The following KCTD16 variants were observed in gnomAD, a reference collection of about 807,000 sequenced individuals.
KCTD16 encodes BTB/POZ domain-containing protein KCTD16.
A neutral mutation model predicts 33.2 loss-of-function variants in KCTD16; 13 were observed. The ratio of observed to expected loss-of-function variants is 0.39; its 90% CI spans 0.25 to 0.62. The LOEUF is 0.62. Among genes scored for constraint, KCTD16 ranks in the 20% least tolerant of loss-of-function variants. The pLI is 0.50. For missense variants in KCTD16, 441 were observed against 525.1 expected, an observed-to-expected ratio of 0.84 and a Z score of 1.57; for synonymous variants, 197 against 195.3, an observed-to-expected ratio of 1.01 and a Z score of -0.07.
chr5:144,362,529 C>T (rs1751736952), intron 3 of KCTD16, among the ~76,000 whole-genome samples: 1 of 152,092 alleles, frequency 6.6e-6, no homozygotes, highest in Non-Finnish European at 1.5e-5. Context: ...TTAGGGCTTA[C>T]TATAACGTTT....
Position 144,480,855 on chromosome 5 carries a change from A to C in KCTD16, c.*6741A>C, listed in dbSNP as rs1025721457. 1 of 151,168 alleles carries C rather than the reference A, an allele frequency of 6.6e-6. No individual in the cohort carries two copies. The highest frequency in any genetic ancestry group is 2.4e-5 in the African/African-American group (1 of 41,180). 9.4% of individuals were successfully genotyped at this position (151,168 alleles called of 1,614,324 possible). On this transcript the variant is annotated 3_prime_UTR_variant, in exon 4 of 4. Coordinates refer to ENST00000512467, the MANE Select transcript of KCTD16 (RefSeq NM_020768.4). ...AGCATGAGTTTAAATTTGTCAAGGC[A>C]TTTTTTTTTCTGTACCATATACGGG...
At chr5:144,286,497 A>C (rs1456623206) in intron 3 of KCTD16, among the ~76,000 whole-genome samples, 1 of 152,346 alleles carries the variant, frequency 6.6e-6, no homozygotes, top group East Asian at 1.9e-4. Context: ...GCACTACTTA[A>C]CAATTCAATT....
intron 3 of KCTD16, among the ~76,000 whole-genome samples, chr5:144,429,468 A>T (rs1753407733): frequency 6.6e-6 from 1 of 152,082 alleles, no homozygotes. Context: ...GCGACCCAAG[A>T]TATAGAATTT....
intron 3 of KCTD16, among the ~76,000 whole-genome samples, chr5:144,306,721 G>A (rs1580860330): frequency 6.6e-6 from 1 of 152,254 alleles, no homozygotes; most frequent in South Asian, 2.1e-4. Flanking sequence ...GACTGTGAGT[G>A]TTAGCAAATC....
chr5:144,418,006 G>A (rs544860325), intron 3 of KCTD16, among the ~76,000 whole-genome samples: 1 of 152,202 alleles, frequency 6.6e-6, no homozygotes, highest in South Asian at 2.1e-4. Context: ...CTTCCTTCTG[G>A]TGGGCTCGTA....
At chr5:144,311,205 G>A (rs575265278) in intron 3 of KCTD16, among the ~76,000 whole-genome samples, 133 of 152,266 alleles carry the variant, frequency 8.7e-4, no homozygotes, top group Middle Eastern at 3.4e-3. Context: ...AATGGGTGCA[G>A]CAAACTAACA....
chr5:144,183,718 G>A (rs1242109805), intron 2 of KCTD16, among the ~76,000 whole-genome samples: 1 of 151,984 alleles, frequency 6.6e-6, no homozygotes, highest in Non-Finnish European at 1.5e-5. Flanking sequence ...AGGAAGACAG[G>A]GCATTTTTGT....
rs1753310752 is a variant in KCTD16, at chr5:144,425,643, A to C, written c.833-48017A>C. Among the ~76,000 whole-genome samples the C allele has an allele frequency of 2.0e-5, 3 of 151,806 alleles. No individual in the cohort carries two copies. The South Asian group carries it at 6.2e-4, about 32-fold the overall frequency. ...TTAGCACCACATGGATGTTGCCAAG[A>C]CTTATGGCTTCTACCTTCTGGAGTA... On this transcript the variant is annotated intron_variant, in intron 3 of 3. Transcript: ENST00000512467.
In KCTD16 at chr5:144,456,476, C is replaced by T. The variant is rs75042906; in HGVS notation, c.833-17184C>T. On this transcript the variant is annotated intron_variant, in intron 3 of 3. Coordinates refer to ENST00000512467, the MANE Select transcript of KCTD16 (RefSeq NM_020768.4). Reference sequence around the variant, plus strand: ...ATCCCCCTGCCCCAACACACACAGACGCACACAGGGGGGTCAGGGGTAGGG... The same window carrying T: ...ATCCCCCTGCCCCAACACACACAGATGCACACAGGGGGGTCAGGGGTAGGG... Among the ~76,000 whole-genome samples the T allele has an allele frequency of 5.3e-3, 802 of 152,214 alleles. 1 individual carries two copies. The highest frequency in any genetic ancestry group is 0.01 in the Middle Eastern group (3 of 294).
intron 1 of KCTD16, among the ~76,000 whole-genome samples, chr5:144,173,043 A>T (rs1752428687): frequency 6.6e-6 from 1 of 152,248 alleles, no homozygotes; most frequent in African/African-American, 2.4e-5. Context: ...AGTGTAAATT[A>T]GTTCAGCCAT....
intron 3 of KCTD16, among the ~76,000 whole-genome samples, chr5:144,433,263 G>A (rs1286780566): frequency 1.3e-5 from 2 of 152,076 alleles, no homozygotes; most frequent in African/African-American, 4.8e-5. Context: ...CTCTTTCTCT[G>A]TTATTAGAAA....
intron 3 of KCTD16, among the ~76,000 whole-genome samples, chr5:144,460,545 G>A (rs1754171681): frequency 6.6e-6 from 1 of 152,194 alleles, no homozygotes; most frequent in Admixed American, 6.5e-5. Context: ...GAGTTCAGGT[G>A]ATTCTTGTGC....
rs143818353 is a variant in KCTD16, at chr5:144,293,149, G to T, written c.832+85603G>T. Among the ~76,000 whole-genome samples the T allele has an allele frequency of 2.5e-4, 38 of 152,242 alleles. No homozygotes were observed. In the East Asian group the frequency reaches 7.3e-3, roughly 29 times the overall value. ...CTCTAAGGCTACTCTCTGACTGATA[G>T]CTTTTTCTCTTCCCTTGCACTCTCC... On this transcript the variant is annotated intron_variant, in intron 3 of 3. Coordinates refer to ENST00000512467, the MANE Select transcript of KCTD16 (RefSeq NM_020768.4).
At chr5:144,217,696 G>A (rs990902789) in intron 3 of KCTD16, among the ~76,000 whole-genome samples, 1 of 152,068 alleles carries the variant, frequency 6.6e-6, no homozygotes. Context: ...CAAAGAATCA[G>A]CATTCTGATT....
chr5:144,440,573 G>A (rs547081799), intron 3 of KCTD16, among the ~76,000 whole-genome samples: 24 of 151,604 alleles, frequency 1.6e-4, no homozygotes, highest in Non-Finnish European at 1.5e-4. Flanking sequence ...AACTCACACC[G>A]GTAATCCCAG....
intron 3 of KCTD16, among the ~76,000 whole-genome samples, chr5:144,418,061 T>C (rs983865799): frequency 2.0e-5 from 3 of 152,096 alleles, no homozygotes; most frequent in African/African-American, 7.2e-5. Context: ...TGGCAGTGAG[T>C]ATTACAGCTC....
chr5:144,176,711 T>C (rs1161606563), intron 2 of KCTD16, among the ~76,000 whole-genome samples: 1 of 152,200 alleles, frequency 6.6e-6, no homozygotes. Context: ...CAAGATATAG[T>C]GTTTCTTAAA....
intron 3 of KCTD16, among the ~76,000 whole-genome samples, chr5:144,328,857 T>C (rs1237591625): frequency 7.6e-6 from 1 of 131,824 alleles, no homozygotes; most frequent in Admixed American, 7.4e-5. Context: ...TTGCTGTAGC[T>C]TTTTTCTTTT....
At chr5:144,385,910 T>C (rs942117624) in intron 3 of KCTD16, among the ~76,000 whole-genome samples, 1 of 152,152 alleles carries the variant, frequency 6.6e-6, no homozygotes, top group East Asian at 1.9e-4. Flanking sequence ...GCATCAAGAT[T>C]GCCTTTTAAA....
Sources: allele counts gnomAD v4.1 joint callset (sites outside exome capture counted in the v4.1 genomes callset), GRCh38; gene constraint gnomAD v4.1.1; transcripts MANE v1.5; gene names NCBI Gene and HGNC (gene_info 2026-07-23, HGNC 2026-07-21).